RAI14: variants seen among roughly 807,000 people sequenced by gnomAD.
RAI14 encodes the protein ankycorbin.
RAI14 carries 45 observed loss-of-function variants against 115.4 expected under a neutral mutation model. The ratio of observed to expected loss-of-function variants is 0.39; its 90% confidence interval spans 0.31 to 0.50. The LOEUF is 0.50. Among genes scored for constraint, RAI14 ranks in the 20% least tolerant of loss-of-function variants. The pLI, the probability that RAI14 is intolerant of heterozygous loss-of-function variation, is 0.85. For synonymous variants in RAI14, 371 were observed against 415.4 expected (o/e 0.89, Z 1.30); for missense variants, 939 against 1,131.2 (o/e 0.83, Z 2.44).
At chr5:34,687,245 A>C (rs931673538) in intron 2 of RAI14, among the ~76,000 whole-genome samples, 2 of 152,200 alleles carry the variant, frequency 1.3e-5, no homozygotes, top group African/African-American at 4.8e-5. Context: ...AAGAATCAGT[A>C]AAAACCTCAA....
intron 2 of RAI14, among the ~76,000 whole-genome samples, chr5:34,740,375 G>C (rs2150045179): frequency 6.6e-6 from 1 of 152,230 alleles, no homozygotes; most frequent in Non-Finnish European, 1.5e-5. Flanking sequence ...TCCTGCTTTT[G>C]GTGATTTGTG....
chr5:34,676,865 A>G (rs1268107396), intron 1 of RAI14, among the ~76,000 whole-genome samples: 7 of 152,202 alleles, frequency 4.6e-5, no homozygotes, highest in East Asian at 3.8e-4. Context: ...ATTTTCTTGG[A>G]AAAAAATCTG....
chr5:34,659,766 T>A (rs1742552601), intron 1 of RAI14, among the ~76,000 whole-genome samples: 1 of 152,228 alleles, frequency 6.6e-6, no homozygotes. Flanking sequence ...TCAACAAATA[T>A]TTAGGGTGCT....
chr5:34,742,352 A>T (rs1745617397), intron 2 of RAI14, among the ~76,000 whole-genome samples: 1 of 152,212 alleles, frequency 6.6e-6, no homozygotes, highest in South Asian at 2.1e-4. Context: ...CGTGGTTAAT[A>T]TCAAGCCAGT....
At chr5:34,805,742 G>A (rs1297182866) in intron 5 of RAI14, among the ~76,000 whole-genome samples, 1 of 152,182 alleles carries the variant, frequency 6.6e-6, no homozygotes, top group Admixed American at 6.5e-5. Context: ...TCGAGAGGCT[G>A]AGGCAGGAGA....
intron 1 of RAI14, among the ~76,000 whole-genome samples, chr5:34,676,294 C>T (rs888464078): frequency 6.6e-6 from 1 of 152,138 alleles, no homozygotes; most frequent in East Asian, 1.9e-4. Flanking sequence ...GGTGGTTTTT[C>T]TCTTCAGAGG....
At chr5:34,675,317 C>A (rs1214220719) in intron 1 of RAI14, among the ~76,000 whole-genome samples, 1 of 152,234 alleles carries the variant, frequency 6.6e-6, no homozygotes, top group Admixed American at 6.5e-5. Flanking sequence ...TCATCACCAC[C>A]ATCTAGTTTT....
At chr5:34,720,004 T>A (rs933416450) in intron 2 of RAI14, among the ~76,000 whole-genome samples, 8 of 152,198 alleles carry the variant, frequency 5.3e-5, no homozygotes, top group South Asian at 4.2e-4. Context: ...TAAAAAAAAA[T>A]TTAAATAATT....
intron 6 of RAI14, among the ~76,000 whole-genome samples, chr5:34,808,308 A>T (rs1163716526): frequency 6.6e-6 from 1 of 152,216 alleles, no homozygotes; most frequent in East Asian, 1.9e-4. Context: ...TTTTATTGCT[A>T]GTTGTGGAAA....
chr5:34,696,173 C>T (rs980734539), intron 2 of RAI14, among the ~76,000 whole-genome samples: 7 of 152,000 alleles, frequency 4.6e-5, no homozygotes, highest in Non-Finnish European at 7.4e-5. Flanking sequence ...GAGTCTTGCT[C>T]TGTCACCCAG....
At chr5:34,817,816 T>C (rs1281299940) in intron 12 of RAI14, among the ~76,000 whole-genome samples, 9 of 152,194 alleles carry the variant, frequency 5.9e-5, no homozygotes, top group Non-Finnish European at 1.5e-5. Flanking sequence ...CTAGGAATGA[T>C]GCGGGCAAGG....
At chr5:34,659,716 G>C (rs1165655250) in intron 1 of RAI14, among the ~76,000 whole-genome samples, 1 of 152,236 alleles carries the variant, frequency 6.6e-6, no homozygotes, top group South Asian at 2.1e-4. Context: ...TAGTTGCTGG[G>C]TAATGAAGTT....
chr5:34,784,698 G>A (rs1752079132), intron 3 of RAI14, among the ~76,000 whole-genome samples: 1 of 152,188 alleles, frequency 6.6e-6, no homozygotes, highest in Non-Finnish European at 1.5e-5. Context: ...GGAAAAATTA[G>A]CAAATCTAGA....
At chr5:34,821,549 A>G (rs1227984226) in intron 13 of RAI14, among the ~76,000 whole-genome samples, 183 bp from the exon 14 acceptor site, 2 of 152,124 alleles carry the variant, frequency 1.3e-5, no homozygotes, top group African/African-American at 4.8e-5. Context: ...ATACCACAGT[A>G]AGGAAACCCC....
intron 2 of RAI14, among the ~76,000 whole-genome samples, chr5:34,689,058 A>T (rs1579914261): frequency 6.6e-6 from 1 of 152,212 alleles, no homozygotes; most frequent in South Asian, 2.1e-4. Flanking sequence ...GTCTGATTCA[A>T]GAGCCCATGT....
rs1460510343 is a variant in RAI14, at chr5:34,817,618, T to G, written c.940-1179T>G. 2.0e-5 allele frequency among the ~76,000 whole-genome samples: 3 copies of G among 152,260 alleles called. No individual in the cohort carries two copies. In the East Asian group the frequency reaches 5.8e-4, roughly 29 times the overall value. ...ATGTCCATGAACAAGTGAATAAAGA[T>G]AATGAGATATACCCATATAATGAAA... is the stretch of plus-strand genomic sequence containing the variant. On this transcript the variant is annotated intron_variant, in intron 12 of 17. Transcript: ENST00000265109.
chr5:34,778,502 G>A lies in RAI14; in HGVS notation c.168-17437G>A, dbSNP rs10077037. Among the ~76,000 whole-genome samples, 5 of 152,218 alleles carry A rather than the reference G, an allele frequency of 3.3e-5. No homozygotes were observed. The South Asian group carries it at 8.3e-4, about 25-fold the overall frequency. ...TAGAGTCCAGGAGTTGGAGAATCTG[G>A]TTAGTACCTGCTATCCCAGGTAGTG... On this transcript the variant is annotated intron_variant, in intron 3 of 17. Coordinates refer to ENST00000265109, the MANE Select transcript of RAI14 (RefSeq NM_015577.3).
intron 6 of RAI14, 152 bp downstream of exon 6, chr5:34,808,009 T>C (rs1755132363): frequency 1.2e-5 from 8 of 684,624 alleles, no homozygotes; most frequent in Non-Finnish European, 1.8e-5. Flanking sequence ...TTGTAAAACA[T>C]ACACAGTTTT....
chr5:34,744,033 G>C (rs551480715), intron 2 of RAI14, among the ~76,000 whole-genome samples: 7 of 152,184 alleles, frequency 4.6e-5, no homozygotes, highest in Non-Finnish European at 1.0e-4. Flanking sequence ...CATTTTGTCT[G>C]GATACTTCAT....
Sources: allele counts gnomAD v4.1 joint callset (sites outside exome capture counted in the v4.1 genomes callset), GRCh38; gene constraint gnomAD v4.1.1; transcripts MANE v1.5; gene names NCBI Gene and HGNC (gene_info 2026-07-23, HGNC 2026-07-21).